Variants in STAT1 observed in about 807,000 individuals in gnomAD.
STAT1 encodes signal transducer and activator of transcription 1-alpha/beta.
Under a neutral mutation model 111.7 loss-of-function variants are expected in STAT1, and 24 were observed. That is an observed-to-expected ratio of 0.21 (90% CI 0.16 to 0.30). The LOEUF (loss-of-function observed/expected upper bound fraction) is 0.30, where lower values mean the gene tolerates loss of function less well. Among genes scored for constraint, STAT1 ranks in the 10% least tolerant of loss-of-function variants. STAT1 has a pLI of 1.00. For synonymous variants in STAT1, 332 were observed against 326.5 expected (o/e 1.02, Z -0.18); for missense variants, 351 against 911.9 (o/e 0.38, Z 7.92).
At chr2:191,011,661 T>C (rs1312169602) in intron 2 of STAT1, among the ~76,000 whole-genome samples, 1 of 152,164 alleles carries the variant, frequency 6.6e-6, no homozygotes, top group Non-Finnish European at 1.5e-5. Flanking sequence ...AACTGAATCA[T>C]GGGGGCAGTC....
At position 190,987,779 on chromosome 2, in the gene STAT1, T is replaced by C. The variant is rs182779676; in HGVS notation, c.1098-711A>G. On this transcript the variant is annotated intron_variant, in intron 12 of 24. Coordinates refer to ENST00000361099, the MANE Select transcript of STAT1 (RefSeq NM_007315.4). The surrounding 1 kb of genome is among the most constrained non-coding windows in gnomAD (Gnocchi z 4.0). ...ATGGGCTCACTCACAGATCTATTAG[T>C]TCCCCTTCCTTTCCAATCTCAACCA... Among the ~76,000 whole-genome samples, 2 of 152,330 alleles carry C rather than the reference T, an allele frequency of 1.3e-5. No individual in the cohort carries two copies. Among genetic ancestry groups the C allele is most frequent in the East Asian group, 1.9e-4 (1 of 5,188 alleles).
chr2:191,009,754 A>C, intron 3 of STAT1, 122 bp downstream of exon 3: 1 of 1,391,590 alleles, frequency 7.2e-7, no homozygotes, highest in Non-Finnish European at 1.0e-6. Context: ...ACTTTTCTAC[A>C]ACAAATAATT....
chr2:190,978,455 A>AT lies in STAT1; in HGVS notation c.1873+400_1873+401insA. The AT allele has an allele frequency of 3.4e-6, 1 of 295,362 alleles. No homozygotes were observed. Among genetic ancestry groups the AT allele is most frequent in the South Asian group, 3.3e-5 (1 of 30,332 alleles). 18.3% of individuals were successfully genotyped at this position (295,362 alleles called of 1,614,324 possible). A position where few individuals can be genotyped will look rare whatever the true frequency, so the allele number is the denominator to read the frequency against. On this transcript the variant is annotated intron_variant, in intron 21 of 24. Transcript: ENST00000361099. This position sits in a 1 kb window ranked among gnomAD's most constrained non-coding sequence, Gnocchi z 6.1. Reference sequence around the variant, plus strand: ...AACTCCCTGGCTGATGATGTGTATGAAGTCTTCTCCCGAAGCCTGTCTCAT... The same window carrying AT: ...AACTCCCTGGCTGATGATGTGTATGATAGTCTTCTCCCGAAGCCTGTCTCAT...
chr2:190,986,999 T>C lies in STAT1; in HGVS notation c.1127+40A>G. 6.2e-7 allele frequency: 1 copy of C among 1,611,346 alleles called. No homozygotes were observed. The highest frequency in any genetic ancestry group is 8.5e-7 in the Non-Finnish European group (1 of 1,177,528). ...AAAAGTCTTCCAACTATTAAATAAA[T>C]AAAAATATAGCACAGTATAGCGTAA... On this transcript the variant is annotated intron_variant, in intron 13 of 24. Transcript: ENST00000361099. This position sits in a 1 kb window ranked among gnomAD's most constrained non-coding sequence, Gnocchi z 5.0.
At position 191,012,603 on chromosome 2, in the gene STAT1, T is replaced by C. The variant is rs1224731705; in HGVS notation, c.-2+922A>G. Among the ~76,000 whole-genome samples the C allele has an allele frequency of 4.6e-5, 7 of 152,192 alleles. No individual in the cohort carries two copies. Among genetic ancestry groups the C allele is most frequent in the South Asian group, 2.1e-4 (1 of 4,808 alleles). ...GACCTGCTCCTTCCTGTCTCCAACA[T>C]TCTACCTTCCCAGTCCAGCCTCTGC... On this transcript the variant is annotated intron_variant, in intron 2 of 24. Coordinates refer to ENST00000361099, the MANE Select transcript of STAT1 (RefSeq NM_007315.4). The surrounding 1 kb of genome is among the most constrained non-coding windows in gnomAD (Gnocchi z 4.0).
At chr2:191,005,790 G>A (rs1221777534) in intron 5 of STAT1, among the ~76,000 whole-genome samples, 6 of 152,188 alleles carry the variant, frequency 3.9e-5, no homozygotes, top group African/African-American at 7.2e-5. Context: ...ATAGTTGGCT[G>A]GATAACTTTG....
At position 190,998,452 on chromosome 2, in the gene STAT1, T is replaced by C. The variant is rs556844211; in HGVS notation, c.542-144A>G. On this transcript the variant is annotated intron_variant, in intron 7 of 24. Coordinates refer to ENST00000361099, the MANE Select transcript of STAT1 (RefSeq NM_007315.4). The surrounding 1 kb of genome is among the most constrained non-coding windows in gnomAD (Gnocchi z 4.1). ...GGCTTTCTTCGATCTTTAATGAACA[T>C]GAAAAAAAGTCCTAAGTATAACAAC... is the stretch of plus-strand genomic sequence containing the variant. 5.7e-6 allele frequency: 4 copies of C among 705,802 alleles called. No homozygotes were observed. The South Asian group carries it at 6.2e-5, about 11-fold the overall frequency. The allele number at this position is 705,802 out of a possible 1,614,324, so 43.7% of individuals were successfully genotyped here.
intron 1 of STAT1, 126 bp from the exon 2 acceptor site, chr2:191,013,804 A>G: frequency 2.5e-6 from 1 of 396,426 alleles, no homozygotes; most frequent in Non-Finnish European, 4.4e-6. Flanking sequence ...CTGCCAGAGC[A>G]CGACTGGCAA....
chr2:191,001,040 T>C (rs1297098022), intron 6 of STAT1, 34 bp downstream of exon 6: 1 of 1,532,360 alleles, frequency 6.5e-7, no homozygotes, highest in Admixed American at 1.7e-5. Flanking sequence ...ACAGAAAGTT[T>C]CAGAATAAAT....
chr2:190,975,831 A>G lies in STAT1; in HGVS notation c.2116T>C (p.Leu706=), dbSNP rs1441580155. ...PKGTGYIKTE[L]ISVSEVHPSR... ...ACTTACACTTCAGACACAGAAATCA[A>G]CTCAGTCTTGATATATCCAGTTCCT... The change falls in exon 23 of 25, where the codon TTG becomes CTG. Residue 706 remains leucine, a synonymous_variant. Coordinates refer to ENST00000361099, the MANE Select transcript of STAT1 (RefSeq NM_007315.4). The surrounding 1 kb of genome is among the most constrained non-coding windows in gnomAD (Gnocchi z 5.9). 2 of 1,614,060 alleles carry G rather than the reference A, an allele frequency of 1.2e-6. No homozygotes were observed. Among genetic ancestry groups the G allele is most frequent in the South Asian group, 1.1e-5 (1 of 91,082 alleles).
chr2:190,977,111 A>G lies in STAT1; in HGVS notation c.1874-86T>C. 7.5e-7 allele frequency: 1 copy of G among 1,336,732 alleles called. No homozygotes were observed. The highest frequency in any genetic ancestry group is 1.1e-6 in the Non-Finnish European group (1 of 932,766). 82.8% of individuals were successfully genotyped at this position (1,336,732 alleles called of 1,614,324 possible). On this transcript the variant is annotated intron_variant, in intron 21 of 24. Coordinates refer to ENST00000361099, the MANE Select transcript of STAT1 (RefSeq NM_007315.4). This position sits in a 1 kb window ranked among gnomAD's most constrained non-coding sequence, Gnocchi z 4.7. ...AAATAAAACACTGCAGAGTTGATGGATTTGAGTGAACCTCATAAGAACTAA... is the reference window on the plus strand; with the variant it reads ...AAATAAAACACTGCAGAGTTGATGGGTTTGAGTGAACCTCATAAGAACTAA...
Position 190,976,712 on chromosome 2 carries a change from T to C in STAT1, c.2059+128A>G. 1.3e-6 allele frequency: 1 copy of C among 788,900 alleles called. No homozygotes were observed. Among genetic ancestry groups the C allele is most frequent in the African/African-American group, 1.7e-5 (1 of 58,902 alleles). The allele number at this position is 788,900 out of a possible 1,614,324, so 48.9% of individuals were successfully genotyped here. On this transcript the variant is annotated intron_variant, in intron 22 of 24. Coordinates refer to ENST00000361099, the MANE Select transcript of STAT1 (RefSeq NM_007315.4). The surrounding 1 kb of genome is among the most constrained non-coding windows in gnomAD (Gnocchi z 6.0). Reference sequence around the variant, plus strand: ...TTATGTTTCACCTGCACTGAGTTTATGCCATCTTTTGAAAGCCTACTCTTA... The same window carrying C: ...TTATGTTTCACCTGCACTGAGTTTACGCCATCTTTTGAAAGCCTACTCTTA...
chr2:190,974,124 A>C lies in STAT1; in HGVS notation c.2238+706T>G, dbSNP rs1288961436. The stretch of plus-strand genomic sequence containing the variant: ...AAAGAGCTTAAAATTAAACAGCATC[A>C]GCAAAAATCCAGCCAAGCAAGCACA... On this transcript the variant is annotated intron_variant, in intron 24 of 24. Transcript: ENST00000361099. The surrounding 1 kb of genome is among the most constrained non-coding windows in gnomAD (Gnocchi z 4.8). Among the ~76,000 whole-genome samples, 2 of 152,256 alleles carry C rather than the reference A, an allele frequency of 1.3e-5. No individual in the cohort carries two copies. The highest frequency in any genetic ancestry group is 2.9e-5 in the Non-Finnish European group (2 of 68,048).
At position 190,987,080 on chromosome 2, in the gene STAT1, AT is replaced by A. The variant is rs769691301; in HGVS notation, c.1098-13del. Reference sequence around the variant, plus strand: ...TCTCATTCACATCTCTGCAAAAAAAATATATATAATCACATATGCGTATTTA... The same window carrying A: ...TCTCATTCACATCTCTGCAAAAAAAAATATATAATCACATATGCGTATTTA... On this transcript the variant is annotated splice_polypyrimidine_tract_variant and intron_variant, in intron 12 of 24. Transcript: ENST00000361099. The surrounding 1 kb of genome is among the most constrained non-coding windows in gnomAD (Gnocchi z 4.0). The A allele has an allele frequency of 6.3e-5, 101 of 1,593,094 alleles. 1 individual carries two copies. The highest frequency in any genetic ancestry group is 4.0e-4 in the African/African-American group (30 of 74,432).
At position 191,003,535 on chromosome 2, in the gene STAT1, C is replaced by T. The variant is rs775964536; in HGVS notation, c.373-2372G>A. Among the ~76,000 whole-genome samples the T allele has an allele frequency of 2.6e-5, 4 of 152,136 alleles. No homozygotes were observed. The highest frequency in any genetic ancestry group is 2.1e-4 in the South Asian group (1 of 4,834). On this transcript the variant is annotated intron_variant, in intron 5 of 24. Coordinates refer to ENST00000361099, the MANE Select transcript of STAT1 (RefSeq NM_007315.4). The surrounding 1 kb of genome is among the most constrained non-coding windows in gnomAD (Gnocchi z 4.0). Reference sequence around the variant, plus strand: ...CCTCTTGGTACTATCCTTGTGATCACGAGTTCTCACAAGATCTGGTTAAGT... The same window carrying T: ...CCTCTTGGTACTATCCTTGTGATCATGAGTTCTCACAAGATCTGGTTAAGT...
chr2:190,988,525 C>T (rs1693048603), intron 12 of STAT1, among the ~76,000 whole-genome samples: 1 of 152,160 alleles, frequency 6.6e-6, no homozygotes. Context: ...ATTACCGGTG[C>T]ACACCACCAC....
In STAT1 at chr2:190,989,585, G is replaced by T; in HGVS notation, c.1097+30C>A. On this transcript the variant is annotated intron_variant, in intron 12 of 24. Transcript: ENST00000361099. The surrounding 1 kb of genome is among the most constrained non-coding windows in gnomAD (Gnocchi z 5.0). Reference sequence around the variant, plus strand: ...CAAAATCAACATTTCAATAGTACATGTATGTTATATAATGTTAAAGATATC... The same window carrying T: ...CAAAATCAACATTTCAATAGTACATTTATGTTATATAATGTTAAAGATATC... 1 of 1,277,154 alleles carries T rather than the reference G, an allele frequency of 7.8e-7. No homozygotes were observed. Among genetic ancestry groups the T allele is most frequent in the Non-Finnish European group, 1.1e-6 (1 of 894,922 alleles). The allele number at this position is 1,277,154 out of a possible 1,614,324, so 79.1% of individuals were successfully genotyped here.
chr2:190,980,657 C>T lies in STAT1; in HGVS notation c.1595G>A (p.Ser532Asn), dbSNP rs1182880176. The T allele has an allele frequency of 5.0e-6, 8 of 1,614,202 alleles. No homozygotes were observed. The South Asian group carries it at 8.8e-5, about 18-fold the overall frequency. Reference sequence around the variant, plus strand: ...CGTCCACGGAATGAGACCATCGGGGCTGGCGTTAGGACCTAAACAAATAAA... The same window carrying T: ...CGTCCACGGAATGAGACCATCGGGGTTGGCGTTAGGACCTAAACAAATAAA... ...LGEKLLGPNA[S>N]PDGLIPWTRF... The change falls in exon 19 of 25, where the codon AGC becomes AAC. Residue 532 changes from serine to asparagine, a missense_variant. Ser to Asn is a conservative substitution (Grantham distance 46). Around this residue, in one of 7 missense-constraint regions of STAT1, gnomAD observed 181 missense variants for 426.1 expected, o/e 0.42. Transcript: ENST00000361099. This position sits in a 1 kb window ranked among gnomAD's most constrained non-coding sequence, Gnocchi z 6.1.
Position 190,983,094 on chromosome 2 carries a change from G to A in STAT1, c.1446+548C>T, listed in dbSNP as rs999943722. Among the ~76,000 whole-genome samples, 1 of 152,176 alleles carries A rather than the reference G, an allele frequency of 6.6e-6. No individual in the cohort carries two copies. Among genetic ancestry groups the A allele is most frequent in the African/African-American group, 2.4e-5 (1 of 41,450 alleles). On this transcript the variant is annotated intron_variant, in intron 17 of 24. Transcript: ENST00000361099. This position sits in a 1 kb window ranked among gnomAD's most constrained non-coding sequence, Gnocchi z 5.7. ...TGAGTTACAGTGATCCTAGCTATAGGTGTAATGTTAATGCCTCAACAAGTG... is the reference window on the plus strand; with the variant it reads ...TGAGTTACAGTGATCCTAGCTATAGATGTAATGTTAATGCCTCAACAAGTG...
Sources: allele counts gnomAD v4.1 joint callset (sites outside exome capture counted in the v4.1 genomes callset), GRCh38; gene constraint gnomAD v4.1.1; regional missense constraint gnomAD v4.1.1; non-coding constraint Gnocchi (gnomAD v3.1); transcripts MANE v1.5; gene names NCBI Gene and HGNC (gene_info 2026-07-23, HGNC 2026-07-21).